Variants in TANC1 observed in about 807,000 individuals in gnomAD.
TANC1 encodes protein TANC1.
A neutral mutation model predicts 149.7 loss-of-function variants in TANC1; 77 were observed. That is an observed-to-expected ratio of 0.51 (90% CI 0.43 to 0.62). The LOEUF is 0.62. Ranked by LOEUF, TANC1 falls within the 20% of genes least tolerant of loss-of-function variation. TANC1 has a pLI of 0.00. For missense variants in TANC1, 1,985 were observed against 2,321.8 expected, an observed-to-expected ratio of 0.85 and a Z score of 2.98; for synonymous variants, 854 against 925.0, an observed-to-expected ratio of 0.92 and a Z score of 1.39.
At position 159,194,379 on chromosome 2, in the gene TANC1, G is replaced by A. The variant is rs2057698005; in HGVS notation, c.2865G>A (p.Leu955=). 1.2e-6 allele frequency: 2 copies of A among 1,614,156 alleles called. No homozygotes were observed. Among genetic ancestry groups the A allele is most frequent in the East Asian group, 2.2e-5 (1 of 44,896 alleles). Residue 955 remains leucine (L), a synonymous_variant, in exon 17 of 27, where the codon CTG becomes CTA. Transcript: ENST00000263635. ...LGHEEVVTLL[L]EFGACLDGTS... ...ACGAGGAAGTTGTCACTCTGCTCCTGGAATTTGGTGCCTGCCTGGACGGAA... is the reference window on the plus strand; with the variant it reads ...ACGAGGAAGTTGTCACTCTGCTCCTAGAATTTGGTGCCTGCCTGGACGGAA...
chr2:159,012,475 T>C (rs978930722), intron 2 of TANC1, among the ~76,000 whole-genome samples: 1 of 152,046 alleles, frequency 6.6e-6, no homozygotes, highest in East Asian at 1.9e-4. Context: ...GATGGAAGAC[T>C]TCATGTAAAC....
chr2:159,089,783 A>G (rs1033331235), intron 3 of TANC1, among the ~76,000 whole-genome samples: 5 of 152,144 alleles, frequency 3.3e-5, no homozygotes, highest in Non-Finnish European at 5.9e-5. Context: ...CTGGCATCCA[A>G]CCTTCAGAGC....
chr2:159,163,629 TCCA>T, intron 8 of TANC1, 83 bp downstream of exon 8: 1 of 1,494,562 alleles, frequency 6.7e-7, no homozygotes, highest in Non-Finnish European at 9.0e-7. Context: ...GGGAAGACAC[TCCA>T]GATACAAGCC....
chr2:159,042,645 G>A (rs559940382), intron 2 of TANC1, among the ~76,000 whole-genome samples: 1 of 152,176 alleles, frequency 6.6e-6, no homozygotes, highest in East Asian at 1.9e-4. Flanking sequence ...TGAGCACAGA[G>A]AAAGGGCTGG....
rs764725273 is a variant in TANC1, at chr2:159,178,727, G to A, written c.2074G>A (p.Val692Met). The change falls in exon 14 of 27, where the codon GTG (valine) becomes ATG (methionine). Residue 692 changes from valine (V) to methionine (M), a missense_variant. Val to Met is a conservative substitution (Grantham distance 21). This residue lies in a region of TANC1 where 508 missense variants were observed against 714.2 expected (regional missense o/e 0.71). Coordinates refer to ENST00000263635, the MANE Select transcript of TANC1 (RefSeq NM_033394.3). ...GKADATLIGK[V>M]SSHLVLRSLG... Reference sequence around the variant, plus strand: ...GGCCGATGCCACACTCATTGGAAAAGTGAGCAGCCACCTGGTGCTGCGGAG... The same window carrying A: ...GGCCGATGCCACACTCATTGGAAAAATGAGCAGCCACCTGGTGCTGCGGAG... The A allele has an allele frequency of 3.7e-6, 6 of 1,614,034 alleles. No individual in the cohort carries two copies. The African/African-American group carries it at 6.7e-5, about 18-fold the overall frequency.
intron 3 of TANC1, among the ~76,000 whole-genome samples, chr2:159,091,316 T>G (rs1483856107): frequency 1.3e-5 from 2 of 152,202 alleles, no homozygotes; most frequent in Non-Finnish European, 2.9e-5. Flanking sequence ...ATGCCTAATT[T>G]GTGGCGTGGC....
chr2:159,063,547 G>A (rs2042420597), intron 2 of TANC1, among the ~76,000 whole-genome samples: 1 of 152,156 alleles, frequency 6.6e-6, no homozygotes, highest in African/African-American at 2.4e-5. Context: ...TCTGGGGGAG[G>A]GGAGGATGGT....
chr2:159,098,967 G>A (rs62171074), intron 4 of TANC1, among the ~76,000 whole-genome samples: 3,221 of 152,204 alleles, frequency 0.021, 41 homozygotes, highest in Middle Eastern at 0.044. Flanking sequence ...GCCTAGGGCT[G>A]TGAAATGGTA....
chr2:158,984,900 G>C (rs574934167), intron 1 of TANC1, among the ~76,000 whole-genome samples: 44 of 152,328 alleles, frequency 2.9e-4, no homozygotes, highest in African/African-American at 1.0e-3. Context: ...AGGGAGAAGA[G>C]AGCCAGATTG....
intron 2 of TANC1, among the ~76,000 whole-genome samples, chr2:159,037,142 G>A (rs1325691827): frequency 1.3e-5 from 2 of 152,078 alleles, no homozygotes; most frequent in African/African-American, 4.8e-5. Context: ...TGTGTCTGTT[G>A]GCTGCATAAA....
At chr2:159,176,785 C>T (rs192368901) in intron 13 of TANC1, among the ~76,000 whole-genome samples, 7 of 152,124 alleles carry the variant, frequency 4.6e-5, no homozygotes, top group South Asian at 2.1e-4. Flanking sequence ...CCCTGGTTAC[C>T]GTCATGGAGT....
In TANC1 at chr2:159,079,132, G is replaced by A. The variant is rs570762879; in HGVS notation, c.61+13161G>A. Among the ~76,000 whole-genome samples, 5 of 152,238 alleles carry A rather than the reference G, an allele frequency of 3.3e-5. No individual in the cohort carries two copies. The East Asian group carries it at 9.7e-4, about 29-fold the overall frequency. The stretch of plus-strand genomic sequence containing the variant: ...ATAATGCTCAAGATATTAGAAACCA[G>A]AAGGTGAATCTCAGTTCAGCAAAAA... On this transcript the variant is annotated intron_variant, in intron 3 of 26. Coordinates refer to ENST00000263635, the MANE Select transcript of TANC1 (RefSeq NM_033394.3).
chr2:159,101,931 G>A lies in TANC1; in HGVS notation c.259+4097G>A, dbSNP rs16843676. Among the ~76,000 whole-genome samples the A allele has an allele frequency of 6.0e-3, 914 of 152,162 alleles. 17 individuals carry two copies. The highest frequency in any genetic ancestry group is 0.02 in the African/African-American group (850 of 41,532). Reference sequence around the variant, plus strand: ...TTGTATGGAGACACTGGAGAGTGCCGGCCACTTCCGCTTCTGCCGATTCCA... The same window carrying A: ...TTGTATGGAGACACTGGAGAGTGCCAGCCACTTCCGCTTCTGCCGATTCCA... On this transcript the variant is annotated intron_variant, in intron 4 of 26. Coordinates refer to ENST00000263635, the MANE Select transcript of TANC1 (RefSeq NM_033394.3).
intron 14 of TANC1, among the ~76,000 whole-genome samples, chr2:159,181,991 A>C (rs2150569005): frequency 6.6e-6 from 1 of 152,264 alleles, no homozygotes; most frequent in East Asian, 1.9e-4. Flanking sequence ...ACCTGAGGTC[A>C]GGGGTTCGAG....
At chr2:159,045,951 A>G (rs1375250051) in intron 2 of TANC1, among the ~76,000 whole-genome samples, 1 of 152,258 alleles carries the variant, frequency 6.6e-6, no homozygotes, top group Non-Finnish European at 1.5e-5. Flanking sequence ...CCAGGTGGAA[A>G]TCTGCTTAAA....
intron 3 of TANC1, among the ~76,000 whole-genome samples, chr2:159,081,472 C>T (rs574884618): frequency 1.2e-4 from 18 of 151,950 alleles, no homozygotes; most frequent in African/African-American, 3.6e-4. Flanking sequence ...GACTGGTGCT[C>T]CTACCTCCCT....
At chr2:159,105,026 G>A (rs1397444258) in intron 4 of TANC1, among the ~76,000 whole-genome samples, 1 of 77,488 alleles carries the variant, frequency 1.3e-5, no homozygotes, top group African/African-American at 5.0e-5. Flanking sequence ...ATGGAGTCTC[G>A]CTCTATTGCC....
chr2:159,105,628 C>A (rs2047106743), intron 4 of TANC1, among the ~76,000 whole-genome samples: 1 of 152,202 alleles, frequency 6.6e-6, no homozygotes, highest in African/African-American at 2.4e-5. Flanking sequence ...ATGGTCGCTC[C>A]TGCTTTGTTT....
rs70994251 is a variant in TANC1 at position 158,992,669 on chromosome 2, ATTTTTTTTT to A, written c.-125-8395_-125-8387del. ...AGGCGCCCACCACCATGCCCAGCTA[ATTTTTTTTT>A]TTTTTTTTTTTTTTTGTATTTTTAG... On this transcript the variant is annotated intron_variant, in intron 1 of 26. Transcript: ENST00000263635. Among the ~76,000 whole-genome samples the A allele has an allele frequency of 3.2e-3, 361 of 112,530 alleles. 2 individuals carry two copies. Among genetic ancestry groups the A allele is most frequent in the African/African-American group, 6.6e-3 (190 of 28,960 alleles). The allele number at this position is 112,530 out of a possible 152,430, so 73.8% of individuals were successfully genotyped here.
Sources: allele counts gnomAD v4.1 joint callset (sites outside exome capture counted in the v4.1 genomes callset), GRCh38; gene constraint gnomAD v4.1.1; regional missense constraint gnomAD v4.1.1; transcripts MANE v1.5; gene names NCBI Gene and HGNC (gene_info 2026-07-23, HGNC 2026-07-21).